Variants in TAS2R10 observed in about 807,000 individuals in gnomAD.
TAS2R10 encodes the protein taste 2 receptor member 10.
For missense variants in TAS2R10, 385 were observed against 362.0 expected (o/e 1.06, Z -0.52); for synonymous variants, 144 against 126.6 (o/e 1.14, Z -0.92).
At chr12:10,825,369 T>C (rs1462276826) in exon 1 of TAS2R10, 1 of 1,609,724 alleles carries the variant, frequency 6.2e-7, no homozygotes, top group Non-Finnish European at 8.5e-7. Context: ...AGATTTTTCC[T>C]TTTCTCACAG....
exon 1 of TAS2R10, chr12:10,825,342 G>A (rs756375965): frequency 6.3e-6 from 10 of 1,595,856 alleles, no homozygotes; most frequent in Non-Finnish European, 8.5e-6. Context: ...TCTTCCCAAG[G>A]TGTCTATGTG....
chr12:10,825,788 A>C (rs1188921783), exon 1 of TAS2R10: 1 of 1,613,324 alleles, frequency 6.2e-7, no homozygotes, highest in East Asian at 2.2e-5. Context: ...GAGATCCCAG[A>C]CTGTGTCATT....
rs1275762629 is a variant in TAS2R10 at position 10,825,426 on chromosome 12, T to A, written c.844A>T (p.Ser282Cys). ...CTCAAAGAGGCTTGCTTTAGCTTGCTGTTTCCTAGAATTAAGATAAATGAG... is the reference window on the plus strand; with the variant it reads ...CTCAAAGAGGCTTGCTTTAGCTTGCAGTTTCCTAGAATTAAGATAAATGAG... The change falls in exon 1 of 1, where the codon AGC becomes TGC. Residue 282 changes from serine to cysteine, a missense_variant. Physicochemically the swap from Ser to Cys is moderately radical, Grantham distance 112. Coordinates refer to ENST00000240619, the Ensembl canonical transcript of TAS2R10. 1 of 1,613,556 alleles carries A rather than the reference T, an allele frequency of 6.2e-7. No homozygotes were observed. Among genetic ancestry groups the A allele is most frequent in the Non-Finnish European group, 8.5e-7 (1 of 1,179,756 alleles).
At chr12:10,825,513 G>T in exon 1 of TAS2R10, 1 of 1,613,560 alleles carries the variant, frequency 6.2e-7, no homozygotes, top group East Asian at 2.2e-5. Context: ...TTGTTTTCTC[G>T]CACAGTAAAA....
downstream of TAS2R10, chr12:10,825,223 A>G (rs565603785): frequency 7.6e-5 from 58 of 764,408 alleles, no homozygotes; most frequent in South Asian, 1.3e-3. Flanking sequence ...ATTATGGAAG[A>G]TTTCAGTGAT....
At chr12:10,825,380 C>A in exon 1 of TAS2R10, 1 of 1,611,948 alleles carries the variant, frequency 6.2e-7, no homozygotes, top group Non-Finnish European at 8.5e-7. Context: ...TTTCTCACAG[C>A]ACTTCAATTG....
exon 1 of TAS2R10, chr12:10,826,077 C>T: frequency 6.2e-7 from 1 of 1,613,076 alleles, no homozygotes; most frequent in Non-Finnish European, 8.5e-7. Flanking sequence ...TGTATAAATC[C>T]ATCTGTAATT....
chr12:10,826,208 A>T, exon 1 of TAS2R10: 2 of 1,613,130 alleles, frequency 1.2e-6, no homozygotes, highest in Non-Finnish European at 1.7e-6. Flanking sequence ...ATTCCCCAAA[A>T]CCCCAAACAC....
downstream of TAS2R10, chr12:10,825,296 A>T: frequency 7.1e-7 from 1 of 1,417,910 alleles, no homozygotes; most frequent in Non-Finnish European, 9.6e-7. Context: ...ATCTTCAAGG[A>T]TTTATTCACT....
exon 1 of TAS2R10, chr12:10,825,710 G>T: frequency 3.7e-6 from 6 of 1,613,404 alleles, no homozygotes; most frequent in Non-Finnish European, 5.1e-6. Flanking sequence ...TAGGGATAGT[G>T]TAAAGAAGAA....
exon 1 of TAS2R10, chr12:10,825,360 G>T: frequency 6.2e-7 from 1 of 1,609,036 alleles, no homozygotes; most frequent in South Asian, 1.1e-5. Context: ...GTGACTCTGA[G>T]ATTTTTCCTT....
chr12:10,825,851 G>T, the TAS2R10 span: 2 of 1,612,498 alleles, frequency 1.2e-6, no homozygotes, highest in South Asian at 1.1e-5. Context: ...ATTAAGTAAC[G>T]ATGAAATAAG....
chr12:10,826,124 C>T (rs770309773), exon 1 of TAS2R10: 2 of 1,613,378 alleles, frequency 1.2e-6, no homozygotes, highest in Non-Finnish European at 1.7e-6. Context: ...AATAGCTAAG[C>T]CGGTGAGAAT....
exon 1 of TAS2R10, chr12:10,825,327 C>T (rs1948855766): frequency 6.4e-7 from 1 of 1,569,336 alleles, no homozygotes; most frequent in Admixed American, 1.9e-5. Flanking sequence ...CGTGGAACAT[C>T]CATCTCTTCC....
chr12:10,825,537 T>C (rs1165663719), exon 1 of TAS2R10: 2 of 1,613,718 alleles, frequency 1.2e-6, no homozygotes, highest in Non-Finnish European at 1.7e-6. Flanking sequence ...GATATTTCTA[T>C]GGCCATGCCT....
chr12:10,826,175 C>A (rs759033821), exon 1 of TAS2R10: 3 of 1,613,228 alleles, frequency 1.9e-6, no homozygotes, highest in Non-Finnish European at 2.5e-6. Context: ...ACAGTCAATG[C>A]AGTTTACAAG....
rs769612254 is a variant in TAS2R10, at chr12:10,826,039, G to A, written c.231C>T (p.Ser77=). The A allele has an allele frequency of 7.1e-5, 115 of 1,612,964 alleles. 1 individual carries two copies. The highest frequency in any genetic ancestry group is 2.6e-4 in the South Asian group (24 of 91,042). ...AACTAATATATTCAATTAGGTTACC[G>A]GAGGCATATATATTTGGAGAGAATA... Residue 77 remains serine, a synonymous_variant, in exon 1 of 1, where the codon TCC becomes TCT. Transcript: ENST00000240619.
chr12:10,826,036 A>C, exon 1 of TAS2R10: 1 of 1,613,428 alleles, frequency 6.2e-7, no homozygotes, highest in Non-Finnish European at 8.5e-7. Context: ...CAATTAGGTT[A>C]CCGGAGGCAT....
chr12:10,825,249 TA>T (rs1378142014), downstream of TAS2R10: 7 of 947,766 alleles, frequency 7.4e-6, no homozygotes, highest in South Asian at 1.3e-4. Flanking sequence ...ATGACACAGT[TA>T]AAAAGACAAT....
Sources: gnomAD v4.1 joint callset for allele counts on GRCh38, gnomAD v4.1.1 for gene constraint, MANE v1.5 for transcripts, NCBI Gene and HGNC (gene_info 2026-07-23, HGNC 2026-07-21) for gene names.